Variants in GRB2 observed in about 807,000 individuals in gnomAD.
The protein encoded by GRB2 is growth factor receptor bound protein 2, also known as growth factor receptor-bound protein 2.
Under a neutral mutation model 27.4 loss-of-function variants are expected in GRB2, and 2 were observed. The ratio of observed to expected loss-of-function variants is 0.07; its 90% CI spans 0.03 to 0.23. The LOEUF is 0.23. Among genes scored for constraint, GRB2 ranks in the 10% least tolerant of loss-of-function variants. The pLI is 1.00. For missense variants in GRB2, 102 were observed against 282.4 expected (o/e 0.36, Z 4.58); for synonymous variants, 94 against 99.6 (o/e 0.94, Z 0.33).
intron 2 of GRB2, among the ~76,000 whole-genome samples, chr17:75,353,013 G>T (rs888354981): frequency 4.0e-5 from 6 of 151,598 alleles, no homozygotes; most frequent in Admixed American, 2.0e-4. Flanking sequence ...GTGAAACCCT[G>T]TCTCTACTAA....
rs1449278122 is a variant in GRB2, at chr17:75,333,897, T to C, written c.79-1100A>G. Among the ~76,000 whole-genome samples the C allele has an allele frequency of 2.0e-5, 3 of 152,346 alleles. No individual in the cohort carries two copies. The South Asian group carries it at 6.2e-4, about 32-fold the overall frequency. On this transcript the variant is annotated intron_variant, in intron 2 of 5. Coordinates refer to ENST00000316804, the MANE Select transcript of GRB2 (RefSeq NM_002086.5). ...ATGGTCAACCCAGGTTACGAGGTAG[T>C]GACCCCACAGAGCTAACATCATGCC...
intron 2 of GRB2, among the ~76,000 whole-genome samples, chr17:75,377,597 GAAAAAAAAAAAAAA>G (rs60003550): frequency 1.9e-5 from 1 of 53,190 alleles, no homozygotes; most frequent in South Asian, 7.1e-4. Context: ...CCCTGTCTCA[GAAAAAAAAAAAAAA>G]AAAAAAAAAA....
intron 2 of GRB2, among the ~76,000 whole-genome samples, chr17:75,389,794 G>A (rs1435468620): frequency 6.6e-6 from 1 of 152,054 alleles, no homozygotes; most frequent in Non-Finnish European, 1.5e-5. Context: ...GCAGTGAGCC[G>A]AGATCGCGCC....
chr17:75,324,507 G>GTCTTTTTTTTTTT (rs1555608338), intron 4 of GRB2, among the ~76,000 whole-genome samples: 5 of 36,700 alleles, frequency 1.4e-4, no homozygotes, highest in South Asian at 2.3e-3. Flanking sequence ...ACCGCACCCA[G>GTCTTTTTTTTTTT]TTTTTTTTTT....
rs2078432821 is a variant in GRB2, at chr17:75,318,585, C to CA, written c.*1782dup. The CA allele has an allele frequency of 6.6e-6, 1 of 152,252 alleles. No homozygotes were observed. The highest frequency in any genetic ancestry group is 1.5e-5 in the Non-Finnish European group (1 of 68,098). The allele number at this position is 152,252 out of a possible 1,614,324, so 9.4% of individuals were successfully genotyped here. On this transcript the variant is annotated 3_prime_UTR_variant, in exon 6 of 6. Coordinates refer to ENST00000316804, the MANE Select transcript of GRB2 (RefSeq NM_002086.5). Reference sequence around the variant, plus strand: ...CAGGGGACCAGAAGTGGAGAGAAGACAGAGAGTTCTGCCGAGGCCTTGGTC... The same window carrying CA: ...CAGGGGACCAGAAGTGGAGAGAAGACAAGAGAGTTCTGCCGAGGCCTTGGTC...
At chr17:75,366,500 C>CAAAAA (rs34051020) in intron 2 of GRB2, among the ~76,000 whole-genome samples, 14 of 111,896 alleles carry the variant, frequency 1.3e-4, no homozygotes, top group African/African-American at 4.8e-4. Flanking sequence ...GATCAGCTTC[C>CAAAAA]AAAAAAAAAA....
rs145257055 is a variant in GRB2, at chr17:75,368,071, C to T, written c.78+25480G>A. Among the ~76,000 whole-genome samples, 21 of 152,124 alleles carry T rather than the reference C, an allele frequency of 1.4e-4. 2 individuals carry two copies. The East Asian group carries it at 2.3e-3, about 17-fold the overall frequency. On this transcript the variant is annotated intron_variant, in intron 2 of 5. Coordinates refer to ENST00000316804, the MANE Select transcript of GRB2 (RefSeq NM_002086.5). The stretch of plus-strand genomic sequence containing the variant: ...CTGGGATTACAGGCACTCGCCACCA[C>T]GCCTGGCTAATTTTTGTACTTTTTG...
At chr17:75,403,153 A>AT (rs1227823588) in intron 1 of GRB2, among the ~76,000 whole-genome samples, 3 of 146,068 alleles carry the variant, frequency 2.1e-5, no homozygotes, top group Non-Finnish European at 4.5e-5. Flanking sequence ...TTGACCAAAA[A>AT]AAATATATAT....
intron 3 of GRB2, among the ~76,000 whole-genome samples, chr17:75,329,444 GC>G (rs1167799870): frequency 6.6e-6 from 1 of 151,710 alleles, no homozygotes; most frequent in Non-Finnish European, 1.5e-5. Flanking sequence ...GTGTTTTCTT[GC>G]CCCCAGCTTA....
At chr17:75,347,006 C>A (rs927889989) in intron 2 of GRB2, among the ~76,000 whole-genome samples, 3 of 152,144 alleles carry the variant, frequency 2.0e-5, no homozygotes, top group Admixed American at 2.0e-4. Flanking sequence ...CCAGCTCCCA[C>A]CCTGAGAGTG....
chr17:75,337,158 A>C (rs1360572027), intron 2 of GRB2, among the ~76,000 whole-genome samples: 2 of 152,046 alleles, frequency 1.3e-5, no homozygotes, highest in African/African-American at 4.8e-5. Context: ...AAACCTCTTC[A>C]CTCTAGAATT....
At chr17:75,396,121 G>A (rs1174482906) in intron 1 of GRB2, among the ~76,000 whole-genome samples, 1 of 152,034 alleles carries the variant, frequency 6.6e-6, no homozygotes, top group African/African-American at 2.4e-5. Context: ...TACAGGCATC[G>A]GCCGCTGTGC....
chr17:75,324,958 C>A (rs1215910225), intron 4 of GRB2, among the ~76,000 whole-genome samples: 1 of 152,072 alleles, frequency 6.6e-6, no homozygotes, highest in Non-Finnish European at 1.5e-5. Flanking sequence ...CACCTGTAAT[C>A]CCAGGTACTC....
At chr17:75,323,098 G>A (rs1184317323) in intron 4 of GRB2, among the ~76,000 whole-genome samples, 2 of 143,168 alleles carry the variant, frequency 1.4e-5, no homozygotes, top group Non-Finnish European at 3.0e-5. Context: ...CAGCCTGTGC[G>A]ACAGAGTGAC....
At chr17:75,389,880 AAG>A (rs1426659040) in intron 2 of GRB2, among the ~76,000 whole-genome samples, 1 of 152,158 alleles carries the variant, frequency 6.6e-6, no homozygotes, top group African/African-American at 2.4e-5. Flanking sequence ...TAAATTTTAA[AAG>A]ATCTTTTCCT....
rs1232829944 is a variant in GRB2 at position 75,397,849 on chromosome 17, ATTTATTTT to A, written c.-137-4092_-137-4085del. The stretch of plus-strand genomic sequence containing the variant: ...TATTTATTTATTTATTTATTTATTT[ATTTATTTT>A]TTGAGACAGCATCTAGCTCTGTCGC... On this transcript the variant is annotated intron_variant, in intron 1 of 5. Transcript: ENST00000316804. Among the ~76,000 whole-genome samples, 12 of 73,138 alleles carry A rather than the reference ATTTATTTT, an allele frequency of 1.6e-4. No homozygotes were observed. The South Asian group carries it at 1.9e-3, about 11-fold the overall frequency. 48.0% of individuals were successfully genotyped at this position (73,138 alleles called of 152,430 possible).
chr17:75,391,520 A>T (rs183964550), intron 2 of GRB2, among the ~76,000 whole-genome samples: 44 of 152,228 alleles, frequency 2.9e-4, no homozygotes, highest in African/African-American at 6.3e-4. Flanking sequence ...TAAAAATTTT[A>T]AAAAAAGGCT....
intron 2 of GRB2, among the ~76,000 whole-genome samples, chr17:75,368,517 C>CAG (rs2078835020): frequency 6.6e-6 from 1 of 151,336 alleles, no homozygotes; most frequent in Non-Finnish European, 1.5e-5. Flanking sequence ...CCCACTGCGT[C>CAG]AGGCGTTTGT....
chr17:75,340,903 A>G (rs2078616275), intron 2 of GRB2, among the ~76,000 whole-genome samples: 1 of 152,190 alleles, frequency 6.6e-6, no homozygotes, highest in Non-Finnish European at 1.5e-5. Flanking sequence ...AAGGTAGTTC[A>G]ATAATTAAGG....
Sources: allele counts gnomAD v4.1 joint callset (sites outside exome capture counted in the v4.1 genomes callset), GRCh38; gene constraint gnomAD v4.1.1; transcripts MANE v1.5; gene names NCBI Gene and HGNC (gene_info 2026-07-23, HGNC 2026-07-21).